MOB3B: variants seen among roughly 807,000 people sequenced by gnomAD.
MOB3B encodes MOB kinase activator 3B.
MOB3B carries 7 observed loss-of-function variants against 18.7 expected under a neutral mutation model. The observed-to-expected ratio is 0.37, with a 90% CI of 0.21 to 0.70. The LOEUF (loss-of-function observed/expected upper bound fraction) is 0.70. MOB3B is among the 30% of genes least tolerant of loss of function. The pLI, the probability that MOB3B is intolerant of heterozygous loss-of-function variation, is 0.52. For missense variants in MOB3B, 253 were observed against 281.3 expected (o/e 0.90, Z 0.72); for synonymous variants, 111 against 99.9 (o/e 1.11, Z -0.66).
At chr9:27,522,069 T>C (rs77984057) in intron 1 of MOB3B, among the ~76,000 whole-genome samples, 8,676 of 151,608 alleles carry the variant, frequency 0.057, 421 homozygotes, top group African/African-American at 0.13. Context: ...GGTGAAACCC[T>C]GTCTCTACTA....
At chr9:27,458,948 T>C (rs1328959972) in intron 1 of MOB3B, among the ~76,000 whole-genome samples, 4 of 152,128 alleles carry the variant, frequency 2.6e-5, no homozygotes, top group South Asian at 2.1e-4. Flanking sequence ...AGGCTGTCTC[T>C]TTAGGTCAAA....
At chr9:27,374,319 T>C (rs1821462550) in intron 2 of MOB3B, among the ~76,000 whole-genome samples, 1 of 152,054 alleles carries the variant, frequency 6.6e-6, no homozygotes, top group Admixed American at 6.6e-5. Context: ...CCCACTCACT[T>C]TGAAACAGCC....
rs1364893380 is a variant in MOB3B at position 27,455,083 on chromosome 9, G to A, written c.418+50C>T. On this transcript the variant is annotated intron_variant, in intron 2 of 3. Transcript: ENST00000262244. ...CAAAGGCAGTCTGCAAATTTTCATA[G>A]TGAAGATTGTGCAGGTGACAAAAAA... 3.7e-6 allele frequency: 6 copies of A among 1,604,000 alleles called. No homozygotes were observed. In the South Asian group the frequency reaches 6.6e-5, roughly 18 times the overall value.
intron 2 of MOB3B, among the ~76,000 whole-genome samples, chr9:27,442,196 C>A (rs1182702637): frequency 6.6e-6 from 1 of 152,036 alleles, no homozygotes; most frequent in Non-Finnish European, 1.5e-5. Flanking sequence ...TTAGCTGTTG[C>A]TAGATATGAC....
intron 1 of MOB3B, among the ~76,000 whole-genome samples, chr9:27,470,332 C>T (rs1186361726): frequency 2.6e-5 from 4 of 152,008 alleles, no homozygotes; most frequent in Non-Finnish European, 5.9e-5. Flanking sequence ...AGCAGGGTGT[C>T]TACTCCTCTC....
chr9:27,355,543 T>G (rs889100221), intron 3 of MOB3B, among the ~76,000 whole-genome samples: 1 of 150,232 alleles, frequency 6.7e-6, no homozygotes, highest in African/African-American at 2.5e-5. Flanking sequence ...CTTGAGAGCA[T>G]AGTTTTTTTC....
intron 2 of MOB3B, among the ~76,000 whole-genome samples, chr9:27,418,120 A>C (rs532430978): frequency 5.2e-4 from 75 of 144,208 alleles, no homozygotes; most frequent in African/African-American, 1.9e-3. Flanking sequence ...AAAGTAATAC[A>C]ACCCTCTTAG....
chr9:27,413,357 T>C (rs1371787609), intron 2 of MOB3B, among the ~76,000 whole-genome samples: 1 of 151,908 alleles, frequency 6.6e-6, no homozygotes, highest in Non-Finnish European at 1.5e-5. Flanking sequence ...TAAAGTGACA[T>C]AGACTATTAA....
chr9:27,408,329 A>G (rs975639481), intron 2 of MOB3B, among the ~76,000 whole-genome samples: 42 of 152,246 alleles, frequency 2.8e-4, no homozygotes, highest in Admixed American at 2.4e-3. Context: ...CCTCAGAAAA[A>G]TCTGCTTGAC....
chr9:27,438,622 C>A (rs1052281583), intron 2 of MOB3B, among the ~76,000 whole-genome samples: 2 of 152,144 alleles, frequency 1.3e-5, no homozygotes, highest in African/African-American at 2.4e-5. Flanking sequence ...CAGTTTTGGT[C>A]ATATTTGTTA....
chr9:27,529,283 G>C (rs1160765281), intron 1 of MOB3B, among the ~76,000 whole-genome samples: 1 of 145,736 alleles, frequency 6.9e-6, no homozygotes, highest in Non-Finnish European at 1.5e-5. Context: ...GACAAATCAA[G>C]ATCCCGGGGT....
intron 1 of MOB3B, among the ~76,000 whole-genome samples, chr9:27,463,522 T>C (rs889098133): frequency 3.9e-5 from 6 of 152,300 alleles, no homozygotes; most frequent in Middle Eastern, 3.4e-3. Context: ...CCTATGTACA[T>C]TGTCATGTGC....
At chr9:27,357,178 A>T (rs1821205604) in intron 3 of MOB3B, among the ~76,000 whole-genome samples, 1 of 134,522 alleles carries the variant, frequency 7.4e-6, no homozygotes, top group Non-Finnish European at 1.6e-5. Flanking sequence ...TTCTCACAGC[A>T]GAATAATAAA....
At chr9:27,446,875 C>A (rs1351493349) in intron 2 of MOB3B, among the ~76,000 whole-genome samples, 2 of 152,174 alleles carry the variant, frequency 1.3e-5, no homozygotes, top group African/African-American at 4.8e-5. Flanking sequence ...CACTTCTGTT[C>A]CTTTTAACTA....
chr9:27,384,246 G>A (rs1187179819), intron 2 of MOB3B, among the ~76,000 whole-genome samples: 1 of 151,964 alleles, frequency 6.6e-6, no homozygotes. Context: ...ACAAGGACTG[G>A]GCCTAAGTTC....
At chr9:27,452,158 G>T (rs1364126430) in intron 2 of MOB3B, among the ~76,000 whole-genome samples, 1 of 152,042 alleles carries the variant, frequency 6.6e-6, no homozygotes, top group Non-Finnish European at 1.5e-5. Context: ...CCATGTGCTG[G>T]GCCTTTATAA....
intron 2 of MOB3B, among the ~76,000 whole-genome samples, chr9:27,400,894 G>C (rs978680640): frequency 6.6e-6 from 1 of 152,218 alleles, no homozygotes; most frequent in Non-Finnish European, 1.5e-5. Context: ...CTGTGGAGAA[G>C]GCAAAAGTAT....
At chr9:27,497,711 T>G (rs1212977384) in intron 1 of MOB3B, among the ~76,000 whole-genome samples, 1 of 152,206 alleles carries the variant, frequency 6.6e-6, no homozygotes, top group East Asian at 1.9e-4. Flanking sequence ...AATATAGTCT[T>G]CCTACATGGG....
intron 2 of MOB3B, among the ~76,000 whole-genome samples, chr9:27,451,767 C>T (rs1374089632): frequency 1.3e-5 from 2 of 152,128 alleles, no homozygotes; most frequent in African/African-American, 2.4e-5. Flanking sequence ...TTTTGCTTTA[C>T]CCTGACAGAC....
Sources: allele counts gnomAD v4.1 joint callset (sites outside exome capture counted in the v4.1 genomes callset), GRCh38; gene constraint gnomAD v4.1.1; transcripts MANE v1.5; gene names NCBI Gene and HGNC (gene_info 2026-07-23, HGNC 2026-07-21).